Variants in SYNJ2 observed in about 807,000 individuals in gnomAD.
SYNJ2 encodes synaptojanin 2.
Under a neutral mutation model 141.3 loss-of-function variants are expected in SYNJ2, and 116 were observed. The observed-to-expected ratio is 0.82, with a 90% CI of 0.71 to 0.96. The LOEUF is 0.96. SYNJ2 is among the 40% of genes least tolerant of loss of function. The pLI, the probability that SYNJ2 is intolerant of heterozygous loss-of-function variation, is 0.00. For missense variants in SYNJ2, 1,873 were observed against 1,934.8 expected (o/e 0.97, Z 0.60); for synonymous variants, 745 against 777.7 (o/e 0.96, Z 0.70).
chr6:157,986,002 C>G (rs1342434922), intron 1 of SYNJ2, among the ~76,000 whole-genome samples: 7 of 152,198 alleles, frequency 4.6e-5, no homozygotes, highest in Non-Finnish European at 1.0e-4. Context: ...GAGATGGCCC[C>G]AGGGCAGAGC....
intron 4 of SYNJ2, among the ~76,000 whole-genome samples, chr6:158,037,147 C>T (rs1178972910): frequency 6.6e-6 from 1 of 152,196 alleles, no homozygotes; most frequent in Non-Finnish European, 1.5e-5. Context: ...GAAAACAACA[C>T]ACTTATTCTC....
chr6:158,077,955 C>G (rs1481092193), intron 17 of SYNJ2: 1 of 439,390 alleles, frequency 2.3e-6, no homozygotes, highest in Admixed American at 3.9e-5. Context: ...ATGGTCATGA[C>G]TGTTTTGAAT....
At chr6:158,005,986 C>T (rs919851957) in intron 1 of SYNJ2, among the ~76,000 whole-genome samples, 2 of 152,192 alleles carry the variant, frequency 1.3e-5, no homozygotes, top group African/African-American at 4.8e-5. Context: ...GCTTTCGGAG[C>T]TCCCTGCTCC....
In SYNJ2 at chr6:158,074,781, A is replaced by G. The variant is rs757799231; in HGVS notation, c.2292+43A>G. On this transcript the variant is annotated intron_variant, in intron 16 of 26. Transcript: ENST00000355585. ...AACATTTTTTAGCAGCTGCTCCAAG[A>G]TGGAATGACATCTGTGAGATGTAGA... 26 of 1,601,536 alleles carry G rather than the reference A, an allele frequency of 1.6e-5. No individual in the cohort carries two copies. The South Asian group carries it at 1.9e-4, about 12-fold the overall frequency.
chr6:158,085,098 C>T (rs1176838027), intron 22 of SYNJ2, among the ~76,000 whole-genome samples: 1 of 151,298 alleles, frequency 6.6e-6, no homozygotes, highest in African/African-American at 2.4e-5. Context: ...CAGCTCACTA[C>T]AACCTCCACC....
chr6:158,000,116 A>C (rs1353860838), intron 1 of SYNJ2, among the ~76,000 whole-genome samples: 3 of 116,880 alleles, frequency 2.6e-5, no homozygotes, highest in African/African-American at 3.2e-5. Flanking sequence ...GGCAGGAGCT[A>C]ATTCTAGGTA....
intron 1 of SYNJ2, among the ~76,000 whole-genome samples, chr6:157,993,341 T>G (rs1165572915): frequency 1.3e-5 from 2 of 152,246 alleles, no homozygotes; most frequent in Non-Finnish European, 2.9e-5. Context: ...TTTTGAGAAA[T>G]GTACATTCAA....
chr6:158,009,226 C>CTA (rs1462175769), intron 1 of SYNJ2, among the ~76,000 whole-genome samples: 1 of 152,208 alleles, frequency 6.6e-6, no homozygotes, highest in Non-Finnish European at 1.5e-5. Context: ...CTGTCACTGT[C>CTA]TATATTGCAC....
chr6:158,007,801 C>T (rs1008985582), intron 1 of SYNJ2, among the ~76,000 whole-genome samples: 5 of 152,100 alleles, frequency 3.3e-5, no homozygotes, highest in African/African-American at 1.2e-4. Context: ...CACCACCTCA[C>T]CTGGCTAATT....
At chr6:158,049,073 G>T (rs561173627) in intron 5 of SYNJ2, among the ~76,000 whole-genome samples, 1 of 152,108 alleles carries the variant, frequency 6.6e-6, no homozygotes. Context: ...CGATCCTTGG[G>T]CCTCTTGAGT....
intron 13 of SYNJ2, 48 bp from the exon 14 acceptor site, chr6:158,069,485 T>C: frequency 6.3e-7 from 1 of 1,584,596 alleles, no homozygotes; most frequent in Non-Finnish European, 8.6e-7. Flanking sequence ...GGGAGATAGA[T>C]GTACTTCCAG....
At position 158,070,096 on chromosome 6, in the gene SYNJ2, T is replaced by C; in HGVS notation, c.1940+423T>C. ...TGGGCCTCTACAACTGTGACCTCAT[T>C]GTCATTTCTCCAAGGTGCATGCTTT... is the stretch of plus-strand genomic sequence containing the variant. On this transcript the variant is annotated intron_variant, in intron 14 of 26. Transcript: ENST00000355585. This position sits in a 1 kb window ranked among gnomAD's most constrained non-coding sequence, Gnocchi z 4.0. 1.0e-6 allele frequency: 1 copy of C among 962,030 alleles called. No homozygotes were observed. The highest frequency in any genetic ancestry group is 1.2e-6 in the Non-Finnish European group (1 of 808,316). The allele number at this position is 962,030 out of a possible 1,614,324, so 59.6% of individuals were successfully genotyped here. A position where few individuals can be genotyped will look rare whatever the true frequency, so the allele number is the denominator to read the frequency against.
chr6:158,026,187 C>T (rs1583343986), intron 2 of SYNJ2, among the ~76,000 whole-genome samples: 1 of 152,164 alleles, frequency 6.6e-6, no homozygotes, highest in African/African-American at 2.4e-5. Context: ...GCAGTGGTAG[C>T]CCTGAGACAG....
chr6:158,080,201 C>T (rs6904543), intron 18 of SYNJ2, among the ~76,000 whole-genome samples: 81,714 of 151,836 alleles, frequency 0.54, 22,426 homozygotes, highest in African/African-American at 0.64. Context: ...TTTGGCCTGG[C>T]GCAGTGGCTC....
intron 2 of SYNJ2, among the ~76,000 whole-genome samples, chr6:158,025,811 G>A (rs1183422392): frequency 6.6e-6 from 1 of 152,156 alleles, no homozygotes; most frequent in African/African-American, 2.4e-5. Context: ...AATTAGCTGG[G>A]CGTGGTGACG....
intron 20 of SYNJ2, 94 bp downstream of exon 20, chr6:158,081,604 CCT>C: frequency 3.2e-5 from 7 of 219,694 alleles, no homozygotes; most frequent in East Asian, 1.1e-4. Context: ...CTGACCTGTG[CCT>C]TTTTTTTTTT....
rs912901141 is a variant in SYNJ2, at chr6:158,084,082, A to G, written c.3116A>G (p.Asp1039Gly). 6.2e-7 allele frequency: 1 copy of G among 1,614,088 alleles called. No homozygotes were observed. ...PGVSDSELGG[D>G]DLSDVPGPTA... ...GTCTCGGACAGTGAACTCGGGGGAG[A>G]CGACCTCTCTGATGTCCCCGGCCCC... The change falls in exon 22 of 27, where the codon GAC becomes GGC. Residue 1039 changes from aspartate to glycine, a missense_variant. Physicochemically the swap from Asp to Gly is moderately conservative, Grantham distance 94. Coordinates refer to ENST00000355585, the MANE Select transcript of SYNJ2 (RefSeq NM_003898.4). This position sits in a 1 kb window ranked among gnomAD's most constrained non-coding sequence, Gnocchi z 5.0.
At chr6:157,985,257 C>T (rs1477347140) in intron 1 of SYNJ2, among the ~76,000 whole-genome samples, 1 of 144,236 alleles carries the variant, frequency 6.9e-6, no homozygotes, top group Admixed American at 6.7e-5. Flanking sequence ...CACCTGTCTT[C>T]ACCTGTCCTG....
intron 7 of SYNJ2, among the ~76,000 whole-genome samples, chr6:158,060,088 G>A (rs1172134621): frequency 6.6e-6 from 1 of 152,188 alleles, no homozygotes; most frequent in East Asian, 1.9e-4. Context: ...CGGCCTCAGG[G>A]CTCAGGAGCA....
Sources: allele counts gnomAD v4.1 joint callset (sites outside exome capture counted in the v4.1 genomes callset), GRCh38; gene constraint gnomAD v4.1.1; non-coding constraint Gnocchi (gnomAD v3.1); transcripts MANE v1.5; gene names NCBI Gene and HGNC (gene_info 2026-07-23, HGNC 2026-07-21).